FRMD7: variants seen among roughly 807,000 people sequenced by gnomAD.
FRMD7 encodes FERM domain containing 7.
A neutral mutation model predicts 44.1 loss-of-function variants in FRMD7; 14 were observed. The observed-to-expected ratio is 0.32, with a 90% confidence interval of 0.21 to 0.50. The LOEUF is 0.50. Ranked by LOEUF, FRMD7 falls within the 20% of genes least tolerant of loss-of-function variation. The pLI is 0.99. For missense variants in FRMD7, 501 were observed against 522.3 expected (o/e 0.96, Z 0.40); for synonymous variants, 212 against 187.4 (o/e 1.13, Z -1.07).
chrX:132,126,082 TATCATCATCATCACTATCATC>T (rs1240353253), intron 1 of FRMD7, among the ~76,000 whole-genome samples: 1 of 91,670 alleles, frequency 1.1e-5, no homozygotes, highest in Admixed American at 1.1e-4. Context: ...TCACCACCAT[TATCATCATCATCACTATCATC>T]ATCATCATCA....
chrX:132,080,363 G>C (rs1008546371), intron 9 of FRMD7, 97 bp from the exon 10 acceptor site: 16 of 574,568 alleles, frequency 2.8e-5, no homozygotes, highest in Admixed American at 2.2e-4. Flanking sequence ...CAAAAGACTA[G>C]ATGAATGACA....
chrX:132,096,448 G>A (rs1932556203), intron 4 of FRMD7, among the ~76,000 whole-genome samples: 1 of 110,302 alleles, frequency 9.1e-6, no homozygotes, highest in South Asian at 3.9e-4. Flanking sequence ...CAGGTGTGGT[G>A]GCTCATGCCT....
intron 1 of FRMD7, among the ~76,000 whole-genome samples, chrX:132,117,308 AC>A (rs771431117): frequency 2.8e-5 from 3 of 109,064 alleles, no homozygotes; most frequent in African/African-American, 1.0e-4. Context: ...CATGAGAAGA[AC>A]CCCCTCTTTT....
At position 132,102,172 on chromosome X, in the gene FRMD7, C is replaced by T. The variant is rs149832018; in HGVS notation, c.58-1456G>A. Among the ~76,000 whole-genome samples the T allele has an allele frequency of 6.0e-3, 659 of 110,372 alleles. 5 individuals carry two copies. Among genetic ancestry groups the T allele is most frequent in the African/African-American group, 0.021 (633 of 30,247 alleles). ...TGGGATTTAATAGTTTTCAGGAAGG[C>T]GGCCTACCTCACCCGCTTCCCCCAC... is the stretch of plus-strand genomic sequence containing the variant. On this transcript the variant is annotated intron_variant, in intron 1 of 11. Coordinates refer to ENST00000298542, the MANE Select transcript of FRMD7 (RefSeq NM_194277.3).
At chrX:132,089,847 T>G (rs1339634384) in intron 5 of FRMD7, among the ~76,000 whole-genome samples, 6 of 111,869 alleles carry the variant, frequency 5.4e-5, no homozygotes, top group African/African-American at 1.9e-4. Flanking sequence ...TTAGTGAAGG[T>G]ATGAAGAAGT....
chrX:132,082,615 T>G, intron 8 of FRMD7, 89 bp from the exon 9 acceptor site: 2 of 854,710 alleles, frequency 2.3e-6, no homozygotes, highest in Non-Finnish European at 3.5e-6. Context: ...ATTGCTCCGT[T>G]GGCCCATGCA....
intron 5 of FRMD7, among the ~76,000 whole-genome samples, chrX:132,091,162 A>G (rs966939430): frequency 1.8e-5 from 2 of 111,397 alleles, no homozygotes; most frequent in Non-Finnish European, 3.8e-5. Flanking sequence ...TAGGTCTTTC[A>G]TATGCTTTTT....
chrX:132,102,265 G>C, intron 1 of FRMD7, among the ~76,000 whole-genome samples: 1 of 111,568 alleles, frequency 9.0e-6, no homozygotes, highest in East Asian at 2.8e-4. Context: ...GAGCTCCACC[G>C]ACTCAAGATT....
At chrX:132,089,330 A>G (rs1243881570) in intron 5 of FRMD7, among the ~76,000 whole-genome samples, 1 of 112,159 alleles carries the variant, frequency 8.9e-6, no homozygotes, top group Non-Finnish European at 1.9e-5. Flanking sequence ...ACCTCACACT[A>G]TACTCCATGC....
chrX:132,104,419 G>A (rs769637472), intron 1 of FRMD7, among the ~76,000 whole-genome samples: 1 of 111,648 alleles, frequency 9.0e-6, no homozygotes, highest in Admixed American at 9.5e-5. Context: ...CGGGCTGGGC[G>A]CTGTGGCTTA....
chrX:132,086,928 G>C (rs1305890145), intron 5 of FRMD7, among the ~76,000 whole-genome samples: 1 of 112,226 alleles, frequency 8.9e-6, no homozygotes, highest in Non-Finnish European at 1.9e-5. Flanking sequence ...ATCCCCAATA[G>C]ATGAATCATC....
intron 5 of FRMD7, among the ~76,000 whole-genome samples, chrX:132,093,783 C>T (rs1440074730): frequency 8.9e-6 from 1 of 112,319 alleles, no homozygotes; most frequent in Non-Finnish European, 1.9e-5. Flanking sequence ...TTCCCAGAGG[C>T]GGTAGGAGGG....
At chrX:132,100,330 C>T (rs901479974) in intron 2 of FRMD7, among the ~76,000 whole-genome samples, 20 of 111,943 alleles carry the variant, frequency 1.8e-4, no homozygotes, top group African/African-American at 6.2e-4. Flanking sequence ...TGAGGTTTCA[C>T]TATGTTGGCC....
intron 1 of FRMD7, among the ~76,000 whole-genome samples, chrX:132,113,635 T>C (rs371443171): frequency 1.8e-5 from 2 of 111,895 alleles, no homozygotes; most frequent in African/African-American, 6.5e-5. Flanking sequence ...TACCTCACTT[T>C]ACATTTTTTA....
chrX:132,105,756 G>A (rs187880120), intron 1 of FRMD7, among the ~76,000 whole-genome samples: 1 of 111,484 alleles, frequency 9.0e-6, no homozygotes, highest in East Asian at 2.8e-4. Context: ...ACTAGCAATG[G>A]GGAAAAGACT....
At chrX:132,086,975 T>A (rs1349802978) in intron 5 of FRMD7, among the ~76,000 whole-genome samples, 2 of 112,304 alleles carry the variant, frequency 1.8e-5, no homozygotes, top group Non-Finnish European at 3.8e-5. Context: ...TAGCTAGCAG[T>A]TTATCTATGA....
chrX:132,100,836 G>A, intron 1 of FRMD7, 120 bp from the exon 2 acceptor site: 1 of 530,904 alleles, frequency 1.9e-6, no homozygotes, highest in Non-Finnish European at 3.3e-6. Context: ...GCACTGTTTA[G>A]AGGACCTGCA....
At position 132,084,085 on chromosome X, in the gene FRMD7, A is replaced by G. The variant is rs146767989; in HGVS notation, c.741+405T>C. Among the ~76,000 whole-genome samples, 498 of 111,878 alleles carry G rather than the reference A, an allele frequency of 4.5e-3. 1 individual carries two copies. Among genetic ancestry groups the G allele is most frequent in the Non-Finnish European group, 7.6e-3 (403 of 53,156 alleles). On this transcript the variant is annotated intron_variant, in intron 8 of 11. Coordinates refer to ENST00000298542, the MANE Select transcript of FRMD7 (RefSeq NM_194277.3). ...CCCACATCCTGCTTGTTTTTGGCATATACTAGGTGTTCAATAATTTTTGCT... is the reference window on the plus strand; with the variant it reads ...CCCACATCCTGCTTGTTTTTGGCATGTACTAGGTGTTCAATAATTTTTGCT...
At position 132,078,623 on chromosome X, in the gene FRMD7, C is replaced by T. The variant is rs1927702571; in HGVS notation, c.1394G>A (p.Ser465Asn). Residue 465 changes from serine to asparagine, a missense_variant, in exon 12 of 12, where the codon AGC becomes AAC. Ser to Asn is a conservative substitution (Grantham distance 46). Coordinates refer to ENST00000298542, the MANE Select transcript of FRMD7 (RefSeq NM_194277.3). ...TAGCTGCTTTGCTGGACGCACTTTGCTTGTGAGGCCAGAATATATGCTCAT... is the reference window on the plus strand; with the variant it reads ...TAGCTGCTTTGCTGGACGCACTTTGTTTGTGAGGCCAGAATATATGCTCAT... ...NHMSIYSGLT[S>N]KVRPAKQLTY... 3 of 1,210,923 alleles carry T rather than the reference C, an allele frequency of 2.5e-6. No homozygotes were observed. The highest frequency in any genetic ancestry group is 3.4e-6 in the Non-Finnish European group (3 of 894,726).
Sources: allele counts gnomAD v4.1 joint callset (sites outside exome capture counted in the v4.1 genomes callset), GRCh38; gene constraint gnomAD v4.1.1; transcripts MANE v1.5; gene names NCBI Gene and HGNC (gene_info 2026-07-23, HGNC 2026-07-21).